The following FOXP1 variants were observed in gnomAD, a reference collection of about 807,000 sequenced individuals.
FOXP1 encodes the protein forkhead box protein P1.
FOXP1 carries 15 observed loss-of-function variants against 98.2 expected under a neutral mutation model. That is an observed-to-expected ratio of 0.15 (90% CI 0.10 to 0.24). The LOEUF (loss-of-function observed/expected upper bound fraction) is 0.24. Among genes scored for constraint, FOXP1 ranks in the 10% least tolerant of loss-of-function variants. FOXP1 has a pLI of 1.00. For synonymous variants in FOXP1, 371 were observed against 314.5 expected (o/e 1.18, Z -1.90); for missense variants, 633 against 848.5 (o/e 0.75, Z 3.15).
At chr3:71,488,963 G>T (rs988850439) in intron 3 of FOXP1, among the ~76,000 whole-genome samples, 10 of 152,136 alleles carry the variant, frequency 6.6e-5, no homozygotes, top group African/African-American at 2.4e-4. Context: ...AAATTCCAGA[G>T]ACTGGAAGTT....
intron 6 of FOXP1, among the ~76,000 whole-genome samples, chr3:71,135,026 A>G (rs1488288259): frequency 6.6e-6 from 1 of 152,152 alleles, no homozygotes; most frequent in Non-Finnish European, 1.5e-5. Context: ...TGGGAGGCCG[A>G]GGTGGGCGGA....
intron 5 of FOXP1, among the ~76,000 whole-genome samples, chr3:71,285,740 A>G (rs2072050796): frequency 6.6e-6 from 1 of 152,220 alleles, no homozygotes; most frequent in Non-Finnish European, 1.5e-5. Flanking sequence ...TTGGTATTAT[A>G]TCACAAAAGG....
At chr3:71,417,152 G>A (rs780223803) in intron 3 of FOXP1, among the ~76,000 whole-genome samples, 16 of 152,288 alleles carry the variant, frequency 1.1e-4, no homozygotes, top group South Asian at 2.1e-4. Context: ...GTGGAGCTGC[G>A]GCTGGAGAGA....
chr3:71,396,939 T>C lies in FOXP1; in HGVS notation c.-167-37695A>G, dbSNP rs183444245. Among the ~76,000 whole-genome samples, 427 of 63,338 alleles carry C rather than the reference T, an allele frequency of 6.7e-3. 44 individuals are homozygous for C. Among genetic ancestry groups the C allele is most frequent in the South Asian group, 0.017 (35 of 2,082 alleles). 41.6% of individuals were successfully genotyped at this position (63,338 alleles called of 152,430 possible). ...GTGTGTATATATATATATATACACA[T>C]ATATATATGTGTATATATATATATG... On this transcript the variant is annotated intron_variant, in intron 3 of 20. Transcript: ENST00000649528.
intron 3 of FOXP1, among the ~76,000 whole-genome samples, chr3:71,428,112 G>C (rs1476544687): frequency 6.6e-6 from 1 of 152,186 alleles, no homozygotes. Flanking sequence ...AATACTGTGT[G>C]ATAAGGGAAG....
At chr3:71,440,348 T>G (rs1305897993) in intron 3 of FOXP1, among the ~76,000 whole-genome samples, 2 of 152,080 alleles carry the variant, frequency 1.3e-5, no homozygotes, top group Non-Finnish European at 2.9e-5. Flanking sequence ...GGGGAATTGC[T>G]TGAGGTCAGG....
chr3:71,535,522 T>C (rs1332146502), intron 2 of FOXP1, among the ~76,000 whole-genome samples: 5 of 152,070 alleles, frequency 3.3e-5, no homozygotes, highest in Non-Finnish European at 7.4e-5. Context: ...CTGAGCAATA[T>C]GACAAAAACC....
At chr3:71,155,252 C>T (rs1269758852) in intron 6 of FOXP1, among the ~76,000 whole-genome samples, 3 of 152,132 alleles carry the variant, frequency 2.0e-5, no homozygotes, top group Non-Finnish European at 4.4e-5. Context: ...AAGCAGTGCT[C>T]GGGTGCCCTC....
intron 6 of FOXP1, among the ~76,000 whole-genome samples, chr3:71,149,941 T>C (rs947092170): frequency 2.6e-5 from 4 of 152,236 alleles, no homozygotes; most frequent in African/African-American, 7.2e-5. Context: ...AATATTTTAG[T>C]CCCTGACTAA....
intron 2 of FOXP1, among the ~76,000 whole-genome samples, chr3:71,539,729 T>C (rs1010114342): frequency 1.3e-5 from 2 of 152,230 alleles, no homozygotes; most frequent in Admixed American, 6.5e-5. Flanking sequence ...TTTGATGCTA[T>C]TGTAAATACA....
At position 71,221,481 on chromosome 3, in the gene FOXP1, C is replaced by T. The variant is rs562291724; in HGVS notation, c.-11-23089G>A. On this transcript the variant is annotated intron_variant, in intron 5 of 20. Coordinates refer to ENST00000649528, the MANE Select transcript of FOXP1 (RefSeq NM_001349338.3). The stretch of plus-strand genomic sequence containing the variant: ...GCGAAGCAAAAGGGAGATCCCCCAT[C>T]CAACATCAAATACCTTCATCCTTCT... 2.4e-4 allele frequency among the ~76,000 whole-genome samples: 36 copies of T among 152,304 alleles called. No individual in the cohort carries two copies. The South Asian group carries it at 7.2e-3, about 31-fold the overall frequency.
intron 5 of FOXP1, among the ~76,000 whole-genome samples, chr3:71,263,163 G>A (rs2069320956): frequency 6.6e-6 from 1 of 152,072 alleles, no homozygotes; most frequent in Non-Finnish European, 1.5e-5. Flanking sequence ...CAGGGTGCAG[G>A]GAAAGAAAAC....
At chr3:71,542,743 G>A (rs2044969716) in intron 2 of FOXP1, among the ~76,000 whole-genome samples, 1 of 152,302 alleles carries the variant, frequency 6.6e-6, no homozygotes, top group Non-Finnish European at 1.5e-5. Flanking sequence ...TTGAAGGCTG[G>A]CCTAAAAATA....
At chr3:71,130,661 G>A (rs539130781) in intron 6 of FOXP1, 11 of 1,594,454 alleles carry the variant, frequency 6.9e-6, no homozygotes, top group Admixed American at 5.1e-5. Flanking sequence ...AAGCACACTC[G>A]AAGAGAAAAC....
At chr3:71,414,657 G>GT (rs2083067522) in intron 3 of FOXP1, among the ~76,000 whole-genome samples, 1 of 152,254 alleles carries the variant, frequency 6.6e-6, no homozygotes, top group African/African-American at 2.4e-5. Context: ...CGCAGAGGGG[G>GT]AGTAAGGGGA....
rs1161737184 is a variant in FOXP1, at chr3:71,481,405, G to C, written c.-168+12021C>G. The stretch of plus-strand genomic sequence containing the variant: ...TCCTGTATGCTTATTACCACATGTA[G>C]ATGTTCACTACATATCAAAGGTTCT... On this transcript the variant is annotated intron_variant, in intron 3 of 20. Coordinates refer to ENST00000649528, the MANE Select transcript of FOXP1 (RefSeq NM_001349338.3). Among the ~76,000 whole-genome samples the C allele has an allele frequency of 3.3e-5, 5 of 152,290 alleles. No individual in the cohort carries two copies. In the East Asian group the frequency reaches 9.6e-4, roughly 29 times the overall value.
At chr3:71,209,691 A>G (rs2064309687) in intron 5 of FOXP1, among the ~76,000 whole-genome samples, 1 of 152,220 alleles carries the variant, frequency 6.6e-6, no homozygotes, top group African/African-American at 2.4e-5. Flanking sequence ...ATCTCTAAAA[A>G]TTTCCCTGAT....
intron 6 of FOXP1, among the ~76,000 whole-genome samples, chr3:71,180,536 C>G (rs988420161): frequency 6.6e-6 from 1 of 152,102 alleles, no homozygotes; most frequent in Non-Finnish European, 1.5e-5. Flanking sequence ...CTGGCAGTGT[C>G]CTTCCTCTCC....
At chr3:71,446,253 A>G (rs1243269857) in intron 3 of FOXP1, among the ~76,000 whole-genome samples, 1 of 152,100 alleles carries the variant, frequency 6.6e-6, no homozygotes, top group Non-Finnish European at 1.5e-5. Context: ...TTTTTTTAAT[A>G]TAACTATGAA....
Sources: gnomAD v4.1 joint callset for allele counts (sites outside exome capture counted in the v4.1 genomes callset) on GRCh38, gnomAD v4.1.1 for gene constraint, MANE v1.5 for transcripts, NCBI Gene and HGNC (gene_info 2026-07-23, HGNC 2026-07-21) for gene names.